The following CSMD3 variants were observed in gnomAD, a reference collection of about 807,000 sequenced individuals.
CSMD3 encodes CUB and Sushi multiple domains 3.
In CSMD3, 177 loss-of-function variants were observed where a neutral mutation model predicts 435.2. The ratio of observed to expected loss-of-function variants is 0.41; its 90% confidence interval spans 0.36 to 0.46. CSMD3 has a LOEUF of 0.46. Ranked by LOEUF, CSMD3 falls within the 20% of genes least tolerant of loss-of-function variation. The pLI is 0.34. For synonymous variants in CSMD3, 1,656 were observed against 1,520.5 expected (o/e 1.09, Z -2.07); for missense variants, 4,265 against 4,504.6 (o/e 0.95, Z 1.52).
intron 1 of CSMD3, among the ~76,000 whole-genome samples, chr8:113,360,038 G>A (rs2094261371): frequency 6.6e-6 from 1 of 152,134 alleles, no homozygotes; most frequent in Non-Finnish European, 1.5e-5. Context: ...TTATTACAAA[G>A]TTTACAGGTT....
chr8:112,428,285 A>G (rs1004538537), intron 32 of CSMD3, among the ~76,000 whole-genome samples: 1 of 152,204 alleles, frequency 6.6e-6, no homozygotes, highest in African/African-American at 2.4e-5. Context: ...AAAACAGAGT[A>G]TACAAATGTA....
chr8:113,029,775 G>C (rs61095206), intron 5 of CSMD3, among the ~76,000 whole-genome samples: 19,057 of 151,380 alleles, frequency 0.13, 2,281 homozygotes, highest in African/African-American at 0.29. Context: ...ATCCTAGCCA[G>C]AGCAATCAGA....
At chr8:113,041,471 C>T (rs2087613415) in intron 5 of CSMD3, among the ~76,000 whole-genome samples, 1 of 152,030 alleles carries the variant, frequency 6.6e-6, no homozygotes, top group Non-Finnish European at 1.5e-5. Context: ...CTAAGTGATA[C>T]AGGACTGTCA....
intron 1 of CSMD3, among the ~76,000 whole-genome samples, chr8:113,380,476 A>C (rs1453846366): frequency 6.6e-6 from 1 of 152,200 alleles, no homozygotes; most frequent in Non-Finnish European, 1.5e-5. Flanking sequence ...AGAATTAGAA[A>C]AATATGAACT....
intron 13 of CSMD3, among the ~76,000 whole-genome samples, chr8:112,706,369 G>A (rs2076498813): frequency 6.6e-6 from 1 of 151,888 alleles, no homozygotes; most frequent in Non-Finnish European, 1.5e-5. Context: ...AATAAATAAT[G>A]TAATTTTATC....
chr8:112,896,572 C>A (rs76490681), intron 10 of CSMD3, among the ~76,000 whole-genome samples: 34 of 7,884 alleles, frequency 4.3e-3, no homozygotes, highest in African/African-American at 0.01. Flanking sequence ...CTTATAGATT[C>A]TTTTCCTACT....
intron 59 of CSMD3, among the ~76,000 whole-genome samples, chr8:112,280,202 C>T (rs1174790215): frequency 6.6e-6 from 1 of 152,130 alleles, no homozygotes; most frequent in African/African-American, 2.4e-5. Context: ...ACTAGTATCC[C>T]CAAGTCTCCT....
At chr8:112,251,714 A>C (rs1445951034) in intron 63 of CSMD3, among the ~76,000 whole-genome samples, 1 of 151,706 alleles carries the variant, frequency 6.6e-6, no homozygotes, top group Non-Finnish European at 1.5e-5. Flanking sequence ...CGGATTAAAA[A>C]CTTTTCATAT....
At chr8:112,474,290 G>A (rs938906108) in intron 31 of CSMD3, among the ~76,000 whole-genome samples, 1 of 152,106 alleles carries the variant, frequency 6.6e-6, no homozygotes, top group Admixed American at 6.6e-5. Flanking sequence ...GCCAACCCCC[G>A]AACTAGAGTG....
intron 22 of CSMD3, among the ~76,000 whole-genome samples, chr8:112,588,607 A>C (rs1206547544): frequency 6.6e-6 from 1 of 152,160 alleles, no homozygotes; most frequent in Non-Finnish European, 1.5e-5. Context: ...TACAGGAACA[A>C]AATGACAAAA....
At chr8:113,172,515 A>G (rs1349771546) in intron 4 of CSMD3, among the ~76,000 whole-genome samples, 2 of 152,190 alleles carry the variant, frequency 1.3e-5, no homozygotes, top group African/African-American at 2.4e-5. Flanking sequence ...ATTTTTACTA[A>G]GCAGCCAGTG....
At chr8:112,942,222 C>A (rs2083471742) in intron 9 of CSMD3, among the ~76,000 whole-genome samples, 1 of 111,144 alleles carries the variant, frequency 9.0e-6, no homozygotes. Context: ...TGTTGGTAAA[C>A]CCATGTTTAG....
At position 112,638,784 on chromosome 8, in the gene CSMD3, A is replaced by G; in HGVS notation, c.3438T>C (p.Asn1146=). 1 of 1,612,918 alleles carries G rather than the reference A, an allele frequency of 6.2e-7. No individual in the cohort carries two copies. The part of the protein sequence containing the change: ...LTGSDLPPTI[N]AGLYGNFRAQ... ...CCCTGAAATTTCCATAGAGACCAGC[A>G]TTGATTGTTGGAGGAAGATCTGAAC... Residue 1146 remains asparagine, a synonymous_variant, in exon 21 of 71, where the codon AAT becomes AAC. Coordinates refer to ENST00000297405, the MANE Select transcript of CSMD3 (RefSeq NM_198123.2).
chr8:112,692,261 T>C (rs1041970076), intron 13 of CSMD3, among the ~76,000 whole-genome samples: 1 of 152,124 alleles, frequency 6.6e-6, no homozygotes, highest in Non-Finnish European at 1.5e-5. Flanking sequence ...TCTTATTTAT[T>C]AAAAAATAAA....
chr8:112,689,814 T>C lies in CSMD3; in HGVS notation c.2155+54A>G, dbSNP rs1307263577. The C allele has an allele frequency of 8.2e-6, 12 of 1,471,870 alleles. 1 individual carries two copies. In the African/African-American group the frequency reaches 1.1e-4, roughly 14 times the overall value. 91.2% of individuals were successfully genotyped at this position (1,471,870 alleles called of 1,614,324 possible). A position where few individuals can be genotyped will look rare whatever the true frequency, so the allele number is the denominator to read the frequency against. On this transcript the variant is annotated intron_variant, in intron 14 of 70. Coordinates refer to ENST00000297405, the MANE Select transcript of CSMD3 (RefSeq NM_198123.2). ...TTGCAATTAATTACAAAAGCAATTA[T>C]ATGCAAGGACAGGGTAACATATGCT...
chr8:113,092,126 G>A (rs7840935), intron 5 of CSMD3, among the ~76,000 whole-genome samples: 102,103 of 151,828 alleles, frequency 0.67, 35,931 homozygotes, highest in East Asian at 0.95. Context: ...AATCAATTAA[G>A]TTCCTTACAA....
intron 10 of CSMD3, among the ~76,000 whole-genome samples, chr8:112,880,389 C>T (rs2511530): frequency 0.8 from 121,278 of 151,972 alleles, 49,190 homozygotes; most frequent in East Asian, 0.93. Flanking sequence ...TAATAATAGC[C>T]TATAAGTACT....
At chr8:112,359,668 G>C (rs2131106406) in intron 38 of CSMD3, among the ~76,000 whole-genome samples, 1 of 152,212 alleles carries the variant, frequency 6.6e-6, no homozygotes, top group East Asian at 1.9e-4. Context: ...ACTTGATAGA[G>C]TTATGATTAG....
At chr8:112,895,273 T>A (rs913477365) in intron 10 of CSMD3, among the ~76,000 whole-genome samples, 3 of 151,332 alleles carry the variant, frequency 2.0e-5, no homozygotes, top group Non-Finnish European at 3.0e-5. Flanking sequence ...GTTGCAGAAA[T>A]TTTTTAAAGG....
Sources: allele counts gnomAD v4.1 joint callset (sites outside exome capture counted in the v4.1 genomes callset), GRCh38; gene constraint gnomAD v4.1.1; transcripts MANE v1.5; gene names NCBI Gene and HGNC (gene_info 2026-07-23, HGNC 2026-07-21).